Variants in APAF1 observed in about 807,000 individuals in gnomAD.
APAF1 encodes apoptotic protease-activating factor 1.
In APAF1, 91 loss-of-function variants were observed where a neutral mutation model predicts 152.4. That is an observed-to-expected ratio of 0.60 (90% confidence interval 0.50 to 0.71). The LOEUF is 0.71. APAF1 is among the 30% of genes least tolerant of loss of function. The pLI is 0.00. For missense variants in APAF1, 1,283 were observed against 1,472.0 expected (o/e 0.87, Z 2.10); for synonymous variants, 484 against 494.1 (o/e 0.98, Z 0.27).
chr12:98,690,764 G>A (rs2097703280), intron 16 of APAF1, among the ~76,000 whole-genome samples: 2 of 151,934 alleles, frequency 1.3e-5, no homozygotes, highest in Non-Finnish European at 1.5e-5. Flanking sequence ...CTGTTCTTAA[G>A]CCCCTAACCC....
intron 17 of APAF1, among the ~76,000 whole-genome samples, chr12:98,701,951 A>T (rs1330344606): frequency 2.0e-5 from 3 of 152,236 alleles, no homozygotes; most frequent in Non-Finnish European, 2.9e-5. Context: ...CTAATTTTTT[A>T]AAAAATGACC....
At chr12:98,674,572 A>C (rs763706847) in intron 12 of APAF1, among the ~76,000 whole-genome samples, 1 of 152,136 alleles carries the variant, frequency 6.6e-6, no homozygotes, top group Non-Finnish European at 1.5e-5. Context: ...TTATCTGTTT[A>C]CTTGGTTTTC....
At chr12:98,731,511 C>G (rs1001333970) in intron 26 of APAF1, among the ~76,000 whole-genome samples, 1 of 152,200 alleles carries the variant, frequency 6.6e-6, no homozygotes, top group Non-Finnish European at 1.5e-5. Flanking sequence ...TTAGTGCATG[C>G]TGGTTCAGTG....
intron 18 of APAF1, 126 bp downstream of exon 18, chr12:98,703,625 T>C (rs2097718167): frequency 1.7e-6 from 2 of 1,199,238 alleles, no homozygotes; most frequent in Non-Finnish European, 2.4e-6. Context: ...ATTTTCTTTA[T>C]AGCCTAATGA....
At chr12:98,715,274 A>G (rs1456162812) in intron 21 of APAF1, among the ~76,000 whole-genome samples, 153 bp from the exon 22 acceptor site, 7 of 110,638 alleles carry the variant, frequency 6.3e-5, no homozygotes, top group Non-Finnish European at 1.3e-4. Flanking sequence ...ATATATATAT[A>G]TATATATGAC....
intron 7 of APAF1, among the ~76,000 whole-genome samples, chr12:98,665,004 T>C (rs1474015630): frequency 6.6e-6 from 1 of 152,068 alleles, no homozygotes; most frequent in Non-Finnish European, 1.5e-5. Flanking sequence ...CTAAGTGTGC[T>C]GTGATGAATA....
At chr12:98,710,635 G>A (rs1187620340) in intron 20 of APAF1, among the ~76,000 whole-genome samples, 1 of 152,074 alleles carries the variant, frequency 6.6e-6, no homozygotes, top group Non-Finnish European at 1.5e-5. Flanking sequence ...TGTTGACCAC[G>A]CTGGTCTTGA....
At chr12:98,696,198 C>T (rs779838528) in intron 16 of APAF1, among the ~76,000 whole-genome samples, 3 of 152,008 alleles carry the variant, frequency 2.0e-5, no homozygotes, top group Middle Eastern at 3.2e-3. Context: ...TTCTGATGGC[C>T]GGAAATTCCA....
intron 20 of APAF1, among the ~76,000 whole-genome samples, chr12:98,709,164 T>C (rs2097725039): frequency 6.6e-6 from 1 of 152,242 alleles, no homozygotes; most frequent in African/African-American, 2.4e-5. Context: ...CTTTACATAC[T>C]GAAGTACACC....
chr12:98,683,421 A>G, intron 15 of APAF1, 147 bp downstream of exon 15: 1 of 832,240 alleles, frequency 1.2e-6, no homozygotes. Flanking sequence ...CAAAAAAAAA[A>G]TAGCTTAAAA....
intron 22 of APAF1, among the ~76,000 whole-genome samples, chr12:98,721,079 G>C (rs1433209803): frequency 1.3e-5 from 2 of 152,116 alleles, no homozygotes. Flanking sequence ...CAATGATAGA[G>C]ACATCCCCAA....
At chr12:98,666,474 C>T in intron 9 of APAF1, 117 bp downstream of exon 9, 2 of 961,140 alleles carry the variant, frequency 2.1e-6, no homozygotes, top group Non-Finnish European at 3.1e-6. Context: ...ACCTAGCTTC[C>T]CCTAATATTA....
At chr12:98,699,858 C>T (rs1281603743) in intron 17 of APAF1, among the ~76,000 whole-genome samples, 1 of 152,196 alleles carries the variant, frequency 6.6e-6, no homozygotes, top group Non-Finnish European at 1.5e-5. Context: ...AGTCCTCTTA[C>T]ACAATTTATG....
chr12:98,687,361 C>CAA (rs58734555), intron 16 of APAF1, among the ~76,000 whole-genome samples: 46 of 92,108 alleles, frequency 5.0e-4, no homozygotes, highest in South Asian at 2.5e-3. Flanking sequence ...GACTCCGTCT[C>CAA]AAAAAAAAAA....
At chr12:98,722,262 T>G (rs1241432834) in intron 22 of APAF1, among the ~76,000 whole-genome samples, 1 of 152,220 alleles carries the variant, frequency 6.6e-6, no homozygotes, top group African/African-American at 2.4e-5. Flanking sequence ...AGGAATTACT[T>G]TTTTTGAGTT....
rs1219942391 is a variant in APAF1, at chr12:98,666,323, A to AT, written c.1332dup (p.Leu445SerfsTer14). The AT allele has an allele frequency of 6.2e-7, 1 of 1,612,950 alleles. No homozygotes were observed. The highest frequency in any genetic ancestry group is 1.3e-5 in the African/African-American group (1 of 74,856). ...TATTATTTACATGATCTTCAAGTAG[A>AT]TTTTCTTACAGAGAAGAATTGCAGC... On this transcript the variant is annotated frameshift_variant, in exon 9 of 27. Transcript: ENST00000551964. LOFTEE classifies it high-confidence loss of function.
At chr12:98,646,294 AG>A (rs1294421833) in intron 1 of APAF1, among the ~76,000 whole-genome samples, 4 of 152,248 alleles carry the variant, frequency 2.6e-5, no homozygotes, top group African/African-American at 9.6e-5. Context: ...TATGTTTAAG[AG>A]GACAAAAACG....
chr12:98,692,105 CAG>C (rs1369169263), intron 16 of APAF1, among the ~76,000 whole-genome samples: 2 of 152,094 alleles, frequency 1.3e-5, no homozygotes, highest in South Asian at 4.1e-4. Context: ...TTTTTTTAGA[CAG>C]AGTCTCGCTC....
chr12:98,676,597 G>A (rs1373551458), intron 12 of APAF1, among the ~76,000 whole-genome samples: 1 of 151,780 alleles, frequency 6.6e-6, no homozygotes, highest in Non-Finnish European at 1.5e-5. Context: ...CAAAGAATAT[G>A]ATGTTGCTTT....
Sources: allele counts gnomAD v4.1 joint callset (sites outside exome capture counted in the v4.1 genomes callset), GRCh38; gene constraint gnomAD v4.1.1; transcripts MANE v1.5; gene names NCBI Gene and HGNC (gene_info 2026-07-23, HGNC 2026-07-21).